The following SMG6 variants were observed in gnomAD, a reference collection of about 807,000 sequenced individuals.
The protein encoded by SMG6 is telomerase-binding protein EST1A.
A neutral mutation model predicts 142.2 loss-of-function variants in SMG6; 66 were observed. That is an observed-to-expected ratio of 0.46 (90% CI 0.38 to 0.57). The LOEUF is 0.57. Ranked by LOEUF, SMG6 falls within the 20% of genes least tolerant of loss-of-function variation. SMG6 has a pLI of 0.00. For missense variants in SMG6, 1,793 were observed against 1,832.0 expected, an observed-to-expected ratio of 0.98 and a Z score of 0.39; for synonymous variants, 779 against 702.4, an observed-to-expected ratio of 1.11 and a Z score of -1.72.
At chr17:2,121,780 C>T (rs1597421261) in intron 13 of SMG6, among the ~76,000 whole-genome samples, 2 of 151,956 alleles carry the variant, frequency 1.3e-5, no homozygotes, top group Admixed American at 6.6e-5. Flanking sequence ...CTACATTTGG[C>T]TAATTTTTGT....
chr17:2,125,152 C>T (rs1048970984), intron 13 of SMG6, among the ~76,000 whole-genome samples: 4 of 152,130 alleles, frequency 2.6e-5, no homozygotes, highest in African/African-American at 7.2e-5. Flanking sequence ...TTCTCTTTGG[C>T]TCTGGAGAAA....
intron 8 of SMG6, among the ~76,000 whole-genome samples, chr17:2,252,251 A>C (rs1305879965): frequency 6.6e-6 from 1 of 152,048 alleles, no homozygotes; most frequent in Non-Finnish European, 1.5e-5. Flanking sequence ...CTCTACTAAA[A>C]ATACAAAAAT....
At chr17:2,170,250 G>C (rs2071462081) in intron 13 of SMG6, among the ~76,000 whole-genome samples, 1 of 152,212 alleles carries the variant, frequency 6.6e-6, no homozygotes, top group South Asian at 2.1e-4. Flanking sequence ...TACATAGGCT[G>C]AGGGCTGGTC....
chr17:2,072,561 T>C (rs959041966), intron 15 of SMG6, among the ~76,000 whole-genome samples: 1 of 152,222 alleles, frequency 6.6e-6, no homozygotes, highest in Non-Finnish European at 1.5e-5. Context: ...GAAAAACTTT[T>C]GCAGGTTAAG....
intron 8 of SMG6, among the ~76,000 whole-genome samples, chr17:2,253,119 T>TTTTTTTTA (rs1555565845): frequency 3.0e-4 from 39 of 130,684 alleles, no homozygotes; most frequent in African/African-American, 1.1e-3. Context: ...AAATATTTTA[T>TTTTTTTTA]TTTATTTATT....
chr17:2,266,029 CA>C, intron 8 of SMG6: 1 of 985,370 alleles, frequency 1.0e-6, no homozygotes, highest in Non-Finnish European at 1.2e-6. Context: ...TGTTCATTTT[CA>C]AACACTTTAC....
At chr17:2,066,696 A>ACACACACACACAG (rs1555529730) in intron 16 of SMG6, among the ~76,000 whole-genome samples, 3 of 43,824 alleles carry the variant, frequency 6.8e-5, no homozygotes, top group Admixed American at 4.7e-4. Context: ...CACACACACA[A>ACACACACACACAG]TGCCCATGCT....
rs778849051 is a variant in SMG6, at chr17:2,188,530, A to T, written c.2870-15T>A. 5.6e-6 allele frequency: 9 copies of T among 1,610,442 alleles called. No individual in the cohort carries two copies. Among genetic ancestry groups the T allele is most frequent in the Non-Finnish European group, 7.6e-6 (9 of 1,177,608 alleles). On this transcript the variant is annotated splice_polypyrimidine_tract_variant and intron_variant, in intron 10 of 18. Transcript: ENST00000263073. ...CGAGAAGCAGTCTGCGGACAGGCAA[A>T]TGAAACTCTCAGCGCCCCAGGCGGA... is the stretch of plus-strand genomic sequence containing the variant.
At chr17:2,142,050 T>C (rs1195655706) in intron 13 of SMG6, among the ~76,000 whole-genome samples, 2 of 152,012 alleles carry the variant, frequency 1.3e-5, no homozygotes, top group East Asian at 1.9e-4. Context: ...TTTTTGTTTT[T>C]GGCGGGAGGA....
At chr17:2,268,127 A>T (rs552561472) in intron 8 of SMG6, among the ~76,000 whole-genome samples, 1 of 151,894 alleles carries the variant, frequency 6.6e-6, no homozygotes, top group South Asian at 2.1e-4. Flanking sequence ...CTGGTCTCCA[A>T]CTCCTGGGTT....
At position 2,300,004 on chromosome 17, in the gene SMG6, C is replaced by T. The variant is rs781101216; in HGVS notation, c.749G>A (p.Arg250Gln). The T allele has an allele frequency of 2.3e-5, 37 of 1,614,180 alleles. No individual in the cohort carries two copies. Among genetic ancestry groups the T allele is most frequent in the Non-Finnish European group, 3.1e-5 (37 of 1,180,050 alleles). Residue 250 changes from arginine (R) to glutamine (Q), a missense_variant, in exon 2 of 19, where the codon CGA (arginine) becomes CAA (glutamine). By Grantham distance (43) the Arg-to-Gln change is conservative (BLOSUM62 1). Transcript: ENST00000263073. The stretch of plus-strand genomic sequence containing the variant: ...GCTGCGCGTGCGGTAGCGATTCCTT[C>T]GTTTGTCTGAGCGGGAGTAGCGCTT... ...SAKRYSRSDK[R>Q]RNRYRTRSTS...
At position 2,297,023 on chromosome 17, in the gene SMG6, A is replaced by G. The variant is rs556192396; in HGVS notation, c.2151+220T>C. ...TTCTCAAAAAATGAAAAAAAAAAAA[A>G]AAAGAAAGAAAGAAAGAAAAAAGGC... On this transcript the variant is annotated intron_variant, in intron 4 of 18. Transcript: ENST00000263073. 9.9e-5 allele frequency among the ~76,000 whole-genome samples: 15 copies of G among 151,804 alleles called. No individual in the cohort carries two copies. The East Asian group carries it at 1.4e-3, about 14-fold the overall frequency.
intron 10 of SMG6, among the ~76,000 whole-genome samples, chr17:2,227,537 CG>C (rs1302628263): frequency 6.6e-6 from 1 of 152,142 alleles, no homozygotes; most frequent in Non-Finnish European, 1.5e-5. Context: ...ATCTAACATA[CG>C]GTGACAGAAA....
chr17:2,103,685 G>C (rs182628091), intron 13 of SMG6, among the ~76,000 whole-genome samples: 1 of 152,310 alleles, frequency 6.6e-6, no homozygotes, highest in East Asian at 1.9e-4. Context: ...CTTCTTGTGA[G>C]CTGTTTCTTT....
chr17:2,298,471 G>C (rs2075193074), intron 2 of SMG6, among the ~76,000 whole-genome samples: 1 of 152,150 alleles, frequency 6.6e-6, no homozygotes. Flanking sequence ...TGTAATCCCA[G>C]CACTTTGGGA....
chr17:2,133,529 G>A (rs975375674), intron 13 of SMG6, among the ~76,000 whole-genome samples: 1 of 152,168 alleles, frequency 6.6e-6, no homozygotes, highest in African/African-American at 2.4e-5. Context: ...TTTTAGCTAA[G>A]AGTATGAGTG....
intron 13 of SMG6, among the ~76,000 whole-genome samples, chr17:2,111,013 G>T (rs2069300087): frequency 6.6e-6 from 1 of 152,176 alleles, no homozygotes; most frequent in African/African-American, 2.4e-5. Flanking sequence ...AGAGGAGCTC[G>T]TAGAGCCTCA....
At chr17:2,162,083 ATAT>A (rs1392884216) in intron 13 of SMG6, among the ~76,000 whole-genome samples, 2 of 152,234 alleles carry the variant, frequency 1.3e-5, no homozygotes, top group African/African-American at 4.8e-5. Context: ...GACTAAACAA[ATAT>A]TATAATATAT....
At chr17:2,143,288 A>G (rs1420997470) in intron 13 of SMG6, among the ~76,000 whole-genome samples, 1 of 152,250 alleles carries the variant, frequency 6.6e-6, no homozygotes, top group Admixed American at 6.5e-5. Context: ...AAATGTTCAT[A>G]TCAACATTAT....
Sources: gnomAD v4.1 joint callset for allele counts (sites outside exome capture counted in the v4.1 genomes callset) on GRCh38, gnomAD v4.1.1 for gene constraint, MANE v1.5 for transcripts, NCBI Gene and HGNC (gene_info 2026-07-23, HGNC 2026-07-21) for gene names.